Variants in LAT2 observed in about 807,000 individuals in gnomAD.
LAT2 encodes the protein linker for activation of T-cells family member 2.
Under a neutral mutation model 43.4 loss-of-function variants are expected in LAT2, and 23 were observed. That is an observed-to-expected ratio of 0.53 (90% CI 0.38 to 0.75). The LOEUF (loss-of-function observed/expected upper bound fraction) is 0.75. Among genes scored for constraint, LAT2 ranks in the 30% least tolerant of loss-of-function variants. LAT2 has a pLI of 0.00. For synonymous variants in LAT2, 128 were observed against 123.2 expected (o/e 1.04, Z -0.26); for missense variants, 284 against 310.2 (o/e 0.92, Z 0.64).
rs982967893 is a variant in LAT2, at chr7:74,220,422, C to T, written c.266-162C>T. On this transcript the variant is annotated intron_variant, in intron 7 of 13. Transcript: ENST00000460943. This position sits in a 1 kb window ranked among gnomAD's most constrained non-coding sequence, Gnocchi z 4.5. Reference sequence around the variant, plus strand: ...GGGCAGGCTCCTGGAATCGGCCTGGCAGGGGGAGGGTGCACACTCGCACAT... The same window carrying T: ...GGGCAGGCTCCTGGAATCGGCCTGGTAGGGGGAGGGTGCACACTCGCACAT... The T allele has an allele frequency of 1.6e-6, 2 of 1,221,130 alleles. No individual in the cohort carries two copies. The highest frequency in any genetic ancestry group is 2.4e-5 in the East Asian group (1 of 41,384). The allele number at this position is 1,221,130 out of a possible 1,614,324, so 75.6% of individuals were successfully genotyped here.
chr7:74,225,387 C>G (rs541312375), intron 13 of LAT2: 1 of 152,392 alleles, frequency 6.6e-6, no homozygotes. Context: ...GAGACTCCGT[C>G]TCAATAAATA....
chr7:74,213,652 C>T lies in LAT2; in HGVS notation c.-218-1170C>T, dbSNP rs779382864. ...GTTGGTCAGGCTAGTCTCGAACTCCCGACCTCGTGATCTGCCCGCCTTGGC... is the reference window on the plus strand; with the variant it reads ...GTTGGTCAGGCTAGTCTCGAACTCCTGACCTCGTGATCTGCCCGCCTTGGC... On this transcript the variant is annotated intron_variant, in intron 1 of 13. Transcript: ENST00000460943. Among the ~76,000 whole-genome samples the T allele has an allele frequency of 2.1e-3, 323 of 151,002 alleles. 3 individuals are homozygous for T. Among genetic ancestry groups the T allele is most frequent in the Middle Eastern group, 0.021 (6 of 288 alleles).
At chr7:74,217,286 C>G (rs1487533506) in intron 4 of LAT2, among the ~76,000 whole-genome samples, 1 of 152,042 alleles carries the variant, frequency 6.6e-6, no homozygotes, top group African/African-American at 2.4e-5. Flanking sequence ...CAAAAATGAG[C>G]TGGGCGTGGT....
At position 74,214,957 on chromosome 7, in the gene LAT2, A is replaced by C. The variant is rs1801985082; in HGVS notation, c.-83A>C. ...CTGGCCAGGGTCTGTTCCTAGTTGC[A>C]ACAGTTCTTGGAAACCCACTCGAGA... On this transcript the variant is annotated 5_prime_UTR_variant, in exon 2 of 14. Coordinates refer to ENST00000460943, the MANE Select transcript of LAT2 (RefSeq NM_032464.3). 6.6e-6 allele frequency: 1 copy of C among 150,882 alleles called. No homozygotes were observed. The highest frequency in any genetic ancestry group is 2.4e-5 in the African/African-American group (1 of 40,988). 9.3% of individuals were successfully genotyped at this position (150,882 alleles called of 1,614,324 possible).
chr7:74,213,961 T>C (rs1554713567), intron 1 of LAT2, among the ~76,000 whole-genome samples: 1 of 149,088 alleles, frequency 6.7e-6, no homozygotes, highest in Non-Finnish European at 1.5e-5. Flanking sequence ...CTTATTATTA[T>C]TTTTTGAAAC....
chr7:74,224,906 G>C (rs1189359218), intron 13 of LAT2, 146 bp downstream of exon 13: 1 of 586,502 alleles, frequency 1.7e-6, no homozygotes, highest in Non-Finnish European at 3.0e-6. Flanking sequence ...TGCTCCAAGA[G>C]GGCAGCTTGG....
chr7:74,224,220 A>G, intron 12 of LAT2, 23 bp downstream of exon 12: 1 of 1,608,196 alleles, frequency 6.2e-7, no homozygotes, highest in East Asian at 2.2e-5. Context: ...GAGAAGAGGC[A>G]GGGTGGTCCA....
chr7:74,215,231 C>G (rs1348546387), intron 2 of LAT2: 2 of 152,824 alleles, frequency 1.3e-5, no homozygotes, highest in Non-Finnish European at 2.9e-5. Context: ...GGATCATGCT[C>G]TTGGGCCACC....
intron 1 of LAT2, among the ~76,000 whole-genome samples, chr7:74,211,220 G>A (rs894740084): frequency 2.0e-5 from 3 of 152,172 alleles, no homozygotes; most frequent in Non-Finnish European, 4.4e-5. Flanking sequence ...TCAGAACCTG[G>A]ATGGGAGAGT....
At chr7:74,216,915 G>A (rs782631313) in intron 4 of LAT2, 51 bp downstream of exon 4, 15 of 1,527,954 alleles carry the variant, frequency 9.8e-6, no homozygotes, top group African/African-American at 9.6e-5. Context: ...CCCTGGGCAT[G>A]GACGTCCTCA....
chr7:74,224,667 C>A lies in LAT2; in HGVS notation c.657C>A (p.Gly219=). 1 of 1,606,742 alleles carries A rather than the reference C, an allele frequency of 6.2e-7. No homozygotes were observed. The highest frequency in any genetic ancestry group is 1.1e-5 in the South Asian group (1 of 89,446). The part of the protein sequence containing the change: ...MGQLQREASP[G]PVGSPDEEDG... The stretch of plus-strand genomic sequence containing the variant: ...AACTCCAGAGAGAAGCATCCCCTGG[C>A]CCGGTGGGAAGCCCAGACGAGGAGG... Residue 219 remains glycine, a synonymous_variant, in exon 13 of 14, where the codon GGC becomes GGA. Coordinates refer to ENST00000460943, the MANE Select transcript of LAT2 (RefSeq NM_032464.3).
chr7:74,224,017 G>A lies in LAT2; in HGVS notation c.449-1G>A, dbSNP rs1802389189. On this transcript the variant is annotated splice_acceptor_variant, in intron 11 of 13. Transcript: ENST00000460943. LOFTEE classifies it high-confidence loss of function. ...GGGGGGCCTATTCTCCCTCTCTGCAGGTGCCCAGCAGGAGGGCATAGGTGG... is the reference window on the plus strand; with the variant it reads ...GGGGGGCCTATTCTCCCTCTCTGCAAGTGCCCAGCAGGAGGGCATAGGTGG... 1 of 1,613,422 alleles carries A rather than the reference G, an allele frequency of 6.2e-7. No homozygotes were observed. Among genetic ancestry groups the A allele is most frequent in the South Asian group, 1.1e-5 (1 of 91,044 alleles).
Position 74,229,579 on chromosome 7 carries a change from G to A in LAT2, c.*654G>A, listed in dbSNP as rs371555155. 15 of 152,818 alleles carry A rather than the reference G, an allele frequency of 9.8e-5. 1 individual carries two copies. The East Asian group carries it at 1.2e-3, about 12-fold the overall frequency. 9.5% of individuals were successfully genotyped at this position (152,818 alleles called of 1,614,324 possible). A position where few individuals can be genotyped will look rare whatever the true frequency, so the allele number is the denominator to read the frequency against. ...TCGCCATCTTTATGTGCTTCCAGTG[G>A]AAATGTCACTTGCTACAGACAATAG... On this transcript the variant is annotated 3_prime_UTR_variant, in exon 14 of 14. Transcript: ENST00000460943.
chr7:74,216,649 G>A (rs117960251), intron 3 of LAT2, among the ~76,000 whole-genome samples, 176 bp from the exon 4 acceptor site: 2 of 152,252 alleles, frequency 1.3e-5, no homozygotes, highest in African/African-American at 2.4e-5. Flanking sequence ...AATTACAGGA[G>A]GGAGCCACCA....
At chr7:74,221,804 A>G in intron 10 of LAT2, 112 bp downstream of exon 10, 2 of 784,722 alleles carry the variant, frequency 2.5e-6, no homozygotes, top group Non-Finnish European at 2.0e-6. Context: ...AAATCGGCAG[A>G]GCCGGTTGGG....
At chr7:74,214,151 A>AATATATATATGAAAATATATATAT (rs1801862155) in intron 1 of LAT2, among the ~76,000 whole-genome samples, 1 of 61,058 alleles carries the variant, frequency 1.6e-5, no homozygotes, top group Non-Finnish European at 2.9e-5. Context: ...AATATATATA[A>AATATATATATGAAAATATATATAT]ATATATATAT....
chr7:74,210,495 C>T (rs1405340507), intron 1 of LAT2, among the ~76,000 whole-genome samples: 2 of 152,166 alleles, frequency 1.3e-5, no homozygotes, highest in Non-Finnish European at 2.9e-5. Context: ...GGTCTTGCCC[C>T]AGGTCAGGTG....
chr7:74,223,646 G>A, intron 10 of LAT2, 78 bp from the exon 11 acceptor site: 1 of 1,377,588 alleles, frequency 7.3e-7, no homozygotes, highest in Non-Finnish European at 1.0e-6. Flanking sequence ...CAAAGGGAAG[G>A]CAGGACAGAG....
At chr7:74,215,821 GAGCGGGGAGGGGAGGTGGTGTTTCCGC>G (rs2116118772) in intron 2 of LAT2, 99 bp from the exon 3 acceptor site, 2 of 701,766 alleles carry the variant, frequency 2.8e-6, no homozygotes, top group African/African-American at 3.5e-5. Flanking sequence ...CCCAGTGCAG[GAGCGGGGAGGGGAGGTGGTGTTTCCGC>G]AGCCTAGGCT....
Sources: allele counts gnomAD v4.1 joint callset (sites outside exome capture counted in the v4.1 genomes callset), GRCh38; gene constraint gnomAD v4.1.1; non-coding constraint Gnocchi (gnomAD v3.1); transcripts MANE v1.5; gene names NCBI Gene and HGNC (gene_info 2026-07-23, HGNC 2026-07-21).